Variants in ITGB1 observed in about 807,000 individuals in gnomAD.
ITGB1 encodes the protein integrin beta-1.
ITGB1 carries 24 observed loss-of-function variants against 86.5 expected under a neutral mutation model. That is an observed-to-expected ratio of 0.28 (90% CI 0.20 to 0.39). The LOEUF is 0.39. Ranked by LOEUF, ITGB1 falls within the 10% of genes least tolerant of loss-of-function variation. ITGB1 has a pLI of 1.00. For missense variants in ITGB1, 556 were observed against 946.9 expected (o/e 0.59, Z 5.42); for synonymous variants, 323 against 316.8 (o/e 1.02, Z -0.21).
At chr10:32,914,324 TA>T (rs1349471294) in intron 11 of ITGB1, among the ~76,000 whole-genome samples, 1 of 152,116 alleles carries the variant, frequency 6.6e-6, no homozygotes, top group African/African-American at 2.4e-5. Context: ...ATATTAACCT[TA>T]AATGTAAATG....
At chr10:32,956,728 A>G (rs190931517) in intron 1 of ITGB1, among the ~76,000 whole-genome samples, 85 of 152,238 alleles carry the variant, frequency 5.6e-4, no homozygotes, top group African/African-American at 1.9e-3. Context: ...TAACCTAGTA[A>G]TTCTACCCAC....
chr10:32,918,277 G>A (rs1219997296), intron 11 of ITGB1, among the ~76,000 whole-genome samples: 1 of 151,978 alleles, frequency 6.6e-6, no homozygotes, highest in Non-Finnish European at 1.5e-5. Context: ...ACACCAACAT[G>A]TCACATGTAT....
chr10:32,957,964 C>A (rs2095056278), intron 1 of ITGB1, 181 bp downstream of exon 1: 2 of 150,946 alleles, frequency 1.3e-5, no homozygotes, highest in African/African-American at 4.9e-5. Flanking sequence ...CCTGGACTAG[C>A]CTGGAATCCT....
chr10:32,913,076 C>T (rs1321679113), intron 11 of ITGB1, among the ~76,000 whole-genome samples: 1 of 152,158 alleles, frequency 6.6e-6, no homozygotes, highest in Non-Finnish European at 1.5e-5. Flanking sequence ...CCAGCAAACT[C>T]CCAACAGACC....
At chr10:32,917,423 C>A (rs2094935388) in intron 11 of ITGB1, among the ~76,000 whole-genome samples, 1 of 151,972 alleles carries the variant, frequency 6.6e-6, no homozygotes, top group South Asian at 2.1e-4. Flanking sequence ...GAATGGGACA[C>A]AATTTTTACA....
rs770431580 is a variant in ITGB1, at chr10:32,922,016, AAC to A, written c.1128+239_1128+240del. On this transcript the variant is annotated intron_variant, in intron 9 of 15. Transcript: ENST00000302278. ...GAGATCTATTCCTTAATGATAAACA[AAC>A]AGTTATTTGGAAATACTCCCCACAT... Among the ~76,000 whole-genome samples the A allele has an allele frequency of 2.2e-4, 33 of 152,236 alleles. 2 individuals carry two copies. The highest frequency in any genetic ancestry group is 1.9e-4 in the Non-Finnish European group (13 of 68,038).
intron 3 of ITGB1, among the ~76,000 whole-genome samples, chr10:32,932,218 G>C (rs948225987): frequency 6.6e-6 from 1 of 151,874 alleles, no homozygotes; most frequent in African/African-American, 2.4e-5. Flanking sequence ...TTTTAACACT[G>C]TTATAACATT....
intron 3 of ITGB1, among the ~76,000 whole-genome samples, chr10:32,930,890 T>G (rs942809156): frequency 2.0e-5 from 3 of 152,136 alleles, no homozygotes; most frequent in Non-Finnish European, 4.4e-5. Context: ...TCAAAAACAC[T>G]GCTGTTAAAG....
In ITGB1 at chr10:32,920,115, C is replaced by T. The variant is rs201957851; in HGVS notation, c.1270-31G>A. On this transcript the variant is annotated intron_variant, in intron 10 of 15. Transcript: ENST00000302278. ...AGGGAAAAAAAAGATTAACAACCAA[C>T]TAAACAATTTAAATCTACTAAAAAA... 24 of 1,588,624 alleles carry T rather than the reference C, an allele frequency of 1.5e-5. No homozygotes were observed. In the African/African-American group the frequency reaches 2.6e-4, roughly 17 times the overall value.
intron 1 of ITGB1, among the ~76,000 whole-genome samples, chr10:32,947,633 C>A (rs1238700269): frequency 6.6e-6 from 1 of 152,010 alleles, no homozygotes; most frequent in Admixed American, 6.6e-5. Flanking sequence ...CTGTATCTAG[C>A]GCAATGTCTT....
intron 13 of ITGB1, among the ~76,000 whole-genome samples, chr10:32,911,001 A>G (rs2137169320): frequency 6.6e-6 from 1 of 152,296 alleles, no homozygotes; most frequent in South Asian, 2.1e-4. Context: ...GGCCTTCCAA[A>G]GTGCTGGGAT....
chr10:32,908,629 C>T (rs1014015029), intron 14 of ITGB1, 95 bp from the exon 15 acceptor site: 8 of 997,786 alleles, frequency 8.0e-6, no homozygotes, highest in Middle Eastern at 4.2e-4. Context: ...AGTGAACGCA[C>T]ACTATCCCAA....
chr10:32,919,187 T>C (rs979965424), intron 11 of ITGB1, among the ~76,000 whole-genome samples: 3 of 152,172 alleles, frequency 2.0e-5, no homozygotes, highest in African/African-American at 7.2e-5. Flanking sequence ...TCATAGTCAA[T>C]AGCCTTCTAA....
At chr10:32,914,819 T>C (rs141573093) in intron 11 of ITGB1, among the ~76,000 whole-genome samples, 2 of 151,958 alleles carry the variant, frequency 1.3e-5, no homozygotes, top group East Asian at 1.9e-4. Flanking sequence ...GTGGACCTAA[T>C]AGACATCTAC....
chr10:32,917,573 C>T (rs1161591596), intron 11 of ITGB1, among the ~76,000 whole-genome samples: 1 of 152,140 alleles, frequency 6.6e-6, no homozygotes, highest in East Asian at 1.9e-4. Flanking sequence ...ATTTATGCAG[C>T]CAACAGACAC....
chr10:32,932,658 G>A, intron 2 of ITGB1, 58 bp from the exon 3 acceptor site: 1 of 971,520 alleles, frequency 1.0e-6, no homozygotes, highest in African/African-American at 1.6e-5. Context: ...AGAAAATAAT[G>A]AAAAATCAGA....
At chr10:32,919,052 A>G (rs1406233861) in intron 11 of ITGB1, among the ~76,000 whole-genome samples, 1 of 152,228 alleles carries the variant, frequency 6.6e-6, no homozygotes, top group Non-Finnish European at 1.5e-5. Context: ...CATTTTACTA[A>G]AAATGGACCT....
intron 11 of ITGB1, among the ~76,000 whole-genome samples, chr10:32,913,508 A>G (rs578062005): frequency 6.6e-6 from 1 of 152,342 alleles, no homozygotes; most frequent in African/African-American, 2.4e-5. Flanking sequence ...TGGCATGAGA[A>G]CCATGTGATG....
chr10:32,902,980 T>G (rs528234200), intron 15 of ITGB1, among the ~76,000 whole-genome samples: 74 of 152,236 alleles, frequency 4.9e-4, no homozygotes, highest in Non-Finnish European at 9.1e-4. Context: ...GGTTGGTAAA[T>G]AGCAATCTAT....
Sources: allele counts gnomAD v4.1 joint callset (sites outside exome capture counted in the v4.1 genomes callset), GRCh38; gene constraint gnomAD v4.1.1; transcripts MANE v1.5; gene names NCBI Gene and HGNC (gene_info 2026-07-23, HGNC 2026-07-21).